The following GART variants were observed in gnomAD, a reference collection of about 807,000 sequenced individuals.
GART encodes the protein phosphoribosylglycinamide formyltransferase, phosphoribosylglycinamide synthetase, phosphoribosylaminoimidazole synthetase.
Under a neutral mutation model 107.2 loss-of-function variants are expected in GART, and 43 were observed. That is an observed-to-expected ratio of 0.40 (90% CI 0.31 to 0.52). GART has a LOEUF of 0.52. Among genes scored for constraint, GART ranks in the 20% least tolerant of loss-of-function variants. The pLI is 0.52. For missense variants in GART, 1,107 were observed against 1,206.5 expected (o/e 0.92, Z 1.22); for synonymous variants, 434 against 427.0 (o/e 1.02, Z -0.20).
intron 9 of GART, 33 bp from the exon 10 acceptor site, chr21:33,528,368 TA>T (rs1265060499): frequency 1.2e-6 from 2 of 1,607,200 alleles, no homozygotes; most frequent in African/African-American, 2.7e-5. Flanking sequence ...GCAGGTGGGA[TA>T]AATTTTAGTT....
chr21:33,520,652 A>C, intron 13 of GART, 90 bp from the exon 14 acceptor site: 1 of 1,139,798 alleles, frequency 8.8e-7, no homozygotes, highest in East Asian at 2.6e-5. Context: ...ACACCTAAAA[A>C]CAAAAGAACA....
Position 33,520,357 on chromosome 21 carries a change from A to T in GART, c.1702+7T>A. The T allele has an allele frequency of 6.2e-7, 1 of 1,613,232 alleles. No homozygotes were observed. ...GACATGTTATTGATTAAAATGGCTG[A>T]TCATACCAAGGAGAGCACATCCAGC... is the stretch of plus-strand genomic sequence containing the variant. On this transcript the variant is annotated splice_region_variant and intron_variant, in intron 14 of 21. Coordinates refer to ENST00000381815, the MANE Select transcript of GART (RefSeq NM_000819.5).
intron 10 of GART, 105 bp downstream of exon 10, chr21:33,528,062 G>A (rs770980131): frequency 1.6e-4 from 169 of 1,036,796 alleles, no homozygotes; most frequent in Non-Finnish European, 2.3e-4. Flanking sequence ...GGTTTCTGAT[G>A]GCTTCACACT....
intron 14 of GART, chr21:33,518,482 AG>A (rs2084916055): frequency 1.0e-5 from 2 of 196,126 alleles, no homozygotes. Flanking sequence ...CATCTCAAAA[AG>A]AAAAAAAAAA....
chr21:33,512,232 C>T (rs1038194132), intron 16 of GART, among the ~76,000 whole-genome samples: 6 of 139,708 alleles, frequency 4.3e-5, no homozygotes, highest in African/African-American at 1.6e-4. Context: ...TGCAGTGGGC[C>T]GAGATGGTAC....
intron 5 of GART, 64 bp from the exon 6 acceptor site, chr21:33,531,621 T>A: frequency 7.0e-7 from 1 of 1,431,862 alleles, no homozygotes; most frequent in Non-Finnish European, 9.5e-7. Flanking sequence ...TTTTGATACT[T>A]AGTTGACTTT....
intron 9 of GART, 86 bp from the exon 10 acceptor site, chr21:33,528,421 C>A: frequency 6.4e-7 from 1 of 1,550,758 alleles, no homozygotes; most frequent in Non-Finnish European, 8.8e-7. Context: ...GCAGAACTTG[C>A]ATGAATTTCC....
rs143026279 is a variant in GART at position 33,535,882 on chromosome 21, G to C, written c.146-562C>G. ...GTCTCTACTAAAAATACAAAAAGTA[G>C]CTGGGTGTGGGGGCATGCACCTGTA... is the stretch of plus-strand genomic sequence containing the variant. On this transcript the variant is annotated intron_variant, in intron 2 of 21. Transcript: ENST00000381815. 7.7e-3 allele frequency among the ~76,000 whole-genome samples: 1,166 copies of C among 152,172 alleles called. 15 individuals carry two copies. The highest frequency in any genetic ancestry group is 0.026 in the African/African-American group (1,099 of 41,514).
At chr21:33,530,060 C>T (rs1230458512) in intron 7 of GART, among the ~76,000 whole-genome samples, 2 of 152,096 alleles carry the variant, frequency 1.3e-5, no homozygotes, top group East Asian at 3.9e-4. Flanking sequence ...GGCGTGGTGG[C>T]CTGTGCCTGT....
chr21:33,506,244 A>T, intron 18 of GART, 140 bp from the exon 19 acceptor site: 1 of 842,134 alleles, frequency 1.2e-6, no homozygotes, highest in Non-Finnish European at 1.7e-6. Flanking sequence ...CCCGGGTTCA[A>T]GCAATTATCC....
chr21:33,541,292 G>A (rs1473559424), intron 1 of GART, among the ~76,000 whole-genome samples: 2 of 152,138 alleles, frequency 1.3e-5, no homozygotes, highest in South Asian at 2.1e-4. Context: ...GATTACGGGC[G>A]TGCGCCGCCA....
upstream of GART, chr21:33,542,869 C>T (rs2085481079): frequency 1.7e-6 from 1 of 589,242 alleles, no homozygotes; most frequent in South Asian, 2.0e-5. Context: ...CATAGTCGTG[C>T]GCGGCGCAAA....
At chr21:33,515,715 C>G (rs923307446) in intron 16 of GART, among the ~76,000 whole-genome samples, 3 of 149,898 alleles carry the variant, frequency 2.0e-5, no homozygotes, top group Non-Finnish European at 4.4e-5. Flanking sequence ...GGAGGGAGGA[C>G]TCTGTCCCTC....
chr21:33,510,709 C>T (rs1406313443), intron 17 of GART, among the ~76,000 whole-genome samples: 2 of 152,118 alleles, frequency 1.3e-5, no homozygotes, highest in African/African-American at 4.8e-5. Context: ...AAAATGAATC[C>T]TACACAATAG....
At chr21:33,542,134 G>GACCAGCGCGGC (rs889383676), upstream of GART, 1 of 152,232 alleles carries the variant, frequency 6.6e-6, no homozygotes, top group Non-Finnish European at 1.5e-5. Flanking sequence ...ACCGGCGCGG[G>GACCAGCGCGGC]ACCAGCGCGG....
chr21:33,504,314 T>G lies in GART; in HGVS notation c.2843A>C (p.Glu948Ala), dbSNP rs1418367888. ...AATAATCTGTCCAGCATCCACATCTTCCTGGAAAAGTAAGCAAAAGTTTTG... is the reference window on the plus strand; with the variant it reads ...AATAATCTGTCCAGCATCCACATCTGCCTGGAAAAGTAAGCAAAAGTTTTG... ...VTGCTVHFVA[E>A]DVDAGQIILQ... The change falls in exon 22 of 22, where the codon GAA (glutamate) becomes GCA (alanine). Residue 948 changes from glutamate (E) to alanine (A), a missense_variant and splice_region_variant. Coordinates refer to ENST00000381815, the MANE Select transcript of GART (RefSeq NM_000819.5). 6.2e-7 allele frequency: 1 copy of G among 1,613,090 alleles called. No individual in the cohort carries two copies. The highest frequency in any genetic ancestry group is 2.2e-5 in the East Asian group (1 of 44,860).
Position 33,512,082 on chromosome 21 carries a change from G to A in GART, c.2108-624C>T, listed in dbSNP as rs913712208. Among the ~76,000 whole-genome samples the A allele has an allele frequency of 7.3e-5, 11 of 151,644 alleles. No homozygotes were observed. The East Asian group carries it at 1.7e-3, about 24-fold the overall frequency. On this transcript the variant is annotated intron_variant, in intron 16 of 21. Coordinates refer to ENST00000381815, the MANE Select transcript of GART (RefSeq NM_000819.5). ...GGGCGGATCACGAGGTCAGGAGATC[G>A]AGACCACCCTGGCCAAGATGGTGAA...
upstream of GART, chr21:33,542,844 C>A (rs1403410199): frequency 3.5e-6 from 2 of 569,204 alleles, no homozygotes; most frequent in Admixed American, 6.1e-5. Flanking sequence ...CTGCGTCAGA[C>A]ACTAACATGG....
rs767895094 is a variant in GART, at chr21:33,520,444, C to A, written c.1622G>T (p.Gly541Val). ...TTCAGTTACACTGAGGTCAAGTTTT[C>A]CACAGGAAAAGTAATCAAGGAAGAA... is the stretch of plus-strand genomic sequence containing the variant. ...PLFFLDYFSC[G>V]KLDLSVTEAV... The change falls in exon 14 of 22, where the codon GGA becomes GTA. Residue 541 changes from glycine (G) to valine (V), a missense_variant. Physicochemically the swap from Gly to Val is moderately radical, Grantham distance 109. Transcript: ENST00000381815. The A allele has an allele frequency of 6.2e-7, 1 of 1,614,144 alleles. No homozygotes were observed.
Sources: allele counts gnomAD v4.1 joint callset (sites outside exome capture counted in the v4.1 genomes callset), GRCh38; gene constraint gnomAD v4.1.1; transcripts MANE v1.5; gene names NCBI Gene and HGNC (gene_info 2026-07-23, HGNC 2026-07-21).